RABGAP1L: variants seen among roughly 807,000 people sequenced by gnomAD.
RABGAP1L encodes rab GTPase-activating protein 1-like.
RABGAP1L carries 63 observed loss-of-function variants against 137.7 expected under a neutral mutation model. The ratio of observed to expected loss-of-function variants is 0.46; its 90% CI spans 0.37 to 0.56. The LOEUF is 0.56. RABGAP1L is among the 20% of genes least tolerant of loss of function. The pLI is 0.00. For missense variants in RABGAP1L, 1,095 were observed against 1,244.0 expected (o/e 0.88, Z 1.80); for synonymous variants, 431 against 433.7 (o/e 0.99, Z 0.08).
At chr1:174,791,028 TA>T (rs1024574175) in intron 18 of RABGAP1L, among the ~76,000 whole-genome samples, 14 of 152,106 alleles carry the variant, frequency 9.2e-5, no homozygotes, top group Middle Eastern at 3.4e-3. Flanking sequence ...CCGTCTCTAC[TA>T]AAAATACAAA....
At chr1:174,727,789 A>C (rs1035760672) in intron 17 of RABGAP1L, among the ~76,000 whole-genome samples, 1 of 152,240 alleles carries the variant, frequency 6.6e-6, no homozygotes, top group Non-Finnish European at 1.5e-5. Context: ...ATTGTAAGCA[A>C]TAATATGCAC....
At chr1:174,755,849 G>A (rs1266395541) in intron 18 of RABGAP1L, among the ~76,000 whole-genome samples, 1 of 152,114 alleles carries the variant, frequency 6.6e-6, no homozygotes, top group Non-Finnish European at 1.5e-5. Context: ...TTTTCATTCA[G>A]TATATCGTGA....
At chr1:174,874,323 G>A (rs1652713338) in intron 19 of RABGAP1L, 1 of 233,608 alleles carries the variant, frequency 4.3e-6, no homozygotes, top group Admixed American at 6.5e-5. Context: ...ATACCCATGT[G>A]GAAACCAGGA....
intron 17 of RABGAP1L, among the ~76,000 whole-genome samples, chr1:174,732,870 GATATTTC>G (rs1417902465): frequency 2.0e-5 from 3 of 152,172 alleles, no homozygotes; most frequent in Admixed American, 6.5e-5. Flanking sequence ...CCTGTTTAGT[GATATTTC>G]ATGGTCTATT....
At chr1:174,458,044 G>A in intron 13 of RABGAP1L, among the ~76,000 whole-genome samples, 1 of 152,042 alleles carries the variant, frequency 6.6e-6, no homozygotes, top group East Asian at 1.9e-4. Flanking sequence ...GTAAGATAAG[G>A]AGATTTCTAA....
intron 13 of RABGAP1L, among the ~76,000 whole-genome samples, chr1:174,608,829 T>C (rs1670974441): frequency 6.6e-6 from 1 of 152,152 alleles, no homozygotes; most frequent in Non-Finnish European, 1.5e-5. Context: ...TTATTTGAAA[T>C]AGTTTAGGCA....
chr1:174,292,019 T>TTTTTTATTATTATTA (rs372810832), intron 10 of RABGAP1L, among the ~76,000 whole-genome samples: 9 of 139,046 alleles, frequency 6.5e-5, no homozygotes, highest in East Asian at 2.1e-4. Context: ...GATTAGATCA[T>TTTTTTATTATTATTA]TTATTATTAT....
rs60752316 is a variant in RABGAP1L at position 174,619,542 on chromosome 1, C to T, written c.1711-17833C>T. ...GAATTTCATATCCAGCCAAACTAAGCTTCATAAGTGAAGGAGAAATAAACT... is the reference window on the plus strand; with the variant it reads ...GAATTTCATATCCAGCCAAACTAAGTTTCATAAGTGAAGGAGAAATAAACT... On this transcript the variant is annotated intron_variant, in intron 13 of 25. Coordinates refer to ENST00000681986, the MANE Select transcript of RABGAP1L (RefSeq NM_001366446.1). 6.9e-3 allele frequency among the ~76,000 whole-genome samples: 1,051 copies of T among 152,166 alleles called. 13 individuals carry two copies. The highest frequency in any genetic ancestry group is 0.024 in the African/African-American group (981 of 41,522).
intron 18 of RABGAP1L, among the ~76,000 whole-genome samples, chr1:174,785,703 C>T (rs908722114): frequency 1.3e-5 from 2 of 152,180 alleles, no homozygotes; most frequent in African/African-American, 4.8e-5. Flanking sequence ...TTTGAGCATG[C>T]GTATTCAACT....
rs191019602 is a variant in RABGAP1L at position 174,733,128 on chromosome 1, C to A, written c.2170-19185C>A. Among the ~76,000 whole-genome samples the A allele has an allele frequency of 2.0e-3, 299 of 152,270 alleles. 1 individual carries two copies. The highest frequency in any genetic ancestry group is 6.8e-3 in the African/African-American group (284 of 41,548). On this transcript the variant is annotated intron_variant, in intron 17 of 25. Coordinates refer to ENST00000681986, the MANE Select transcript of RABGAP1L (RefSeq NM_001366446.1). ...AGGAAGGCTGGCTCCGAGTCTGTCT[C>A]ATAACCACCATGCTTTATTGCCTCT...
chr1:174,570,426 T>C (rs549541013), intron 13 of RABGAP1L, among the ~76,000 whole-genome samples: 2 of 152,312 alleles, frequency 1.3e-5, no homozygotes, highest in East Asian at 1.9e-4. Flanking sequence ...ACAGAAAACC[T>C]ACCACTGTGT....
At chr1:174,709,254 A>G (rs1439512593) in intron 17 of RABGAP1L, among the ~76,000 whole-genome samples, 1 of 152,212 alleles carries the variant, frequency 6.6e-6, no homozygotes, top group African/African-American at 2.4e-5. Context: ...CAGCTTCAGC[A>G]GACTTAAACA....
chr1:174,368,362 A>C (rs1180439203), intron 11 of RABGAP1L, among the ~76,000 whole-genome samples: 1 of 152,218 alleles, frequency 6.6e-6, no homozygotes, highest in African/African-American at 2.4e-5. Flanking sequence ...AATAAATTTG[A>C]TCAAATGATA....
intron 17 of RABGAP1L, among the ~76,000 whole-genome samples, chr1:174,747,836 T>TC (rs1489220526): frequency 6.6e-6 from 1 of 151,698 alleles, no homozygotes; most frequent in African/African-American, 2.4e-5. Context: ...GATTATTGGC[T>TC]CCCCCAAGTG....
chr1:174,888,578 C>T (rs979507009), intron 19 of RABGAP1L, among the ~76,000 whole-genome samples: 4 of 152,228 alleles, frequency 2.6e-5, no homozygotes, highest in East Asian at 1.9e-4. Context: ...CTCACTGTGT[C>T]GCCCAGGCTG....
At chr1:174,474,177 A>G (rs1051228044) in intron 13 of RABGAP1L, among the ~76,000 whole-genome samples, 2 of 152,188 alleles carry the variant, frequency 1.3e-5, no homozygotes, top group Non-Finnish European at 2.9e-5. Context: ...AATTTATTCA[A>G]TACTTTCCAT....
chr1:174,374,956 G>A (rs1400297014), intron 12 of RABGAP1L, among the ~76,000 whole-genome samples: 2 of 151,906 alleles, frequency 1.3e-5, no homozygotes, highest in African/African-American at 2.4e-5. Context: ...TAACAGTCTG[G>A]GCTGTTTCAT....
intron 19 of RABGAP1L, among the ~76,000 whole-genome samples, chr1:174,914,748 G>A (rs1660579005): frequency 1.3e-5 from 2 of 152,002 alleles, no homozygotes; most frequent in African/African-American, 2.4e-5. Context: ...ACAGAGTTAT[G>A]CATCCATCAT....
At chr1:174,974,865 G>T (rs1396313258) in intron 21 of RABGAP1L, among the ~76,000 whole-genome samples, 2 of 152,212 alleles carry the variant, frequency 1.3e-5, no homozygotes, top group Non-Finnish European at 2.9e-5. Flanking sequence ...GTCCTCAGCA[G>T]ACTGGGCTGG....
Sources: gnomAD v4.1 joint callset for allele counts (sites outside exome capture counted in the v4.1 genomes callset) on GRCh38, gnomAD v4.1.1 for gene constraint, MANE v1.5 for transcripts, NCBI Gene and HGNC (gene_info 2026-07-23, HGNC 2026-07-21) for gene names.